Variants in STX6 observed in about 807,000 individuals in gnomAD.
STX6 encodes the protein syntaxin-6.
A neutral mutation model predicts 38.0 loss-of-function variants in STX6; 23 were observed. That is an observed-to-expected ratio of 0.60 (90% confidence interval 0.43 to 0.86). The LOEUF is 0.86. Ranked by LOEUF, STX6 falls within the 40% of genes least tolerant of loss-of-function variation. STX6 has a pLI of 0.00. For synonymous variants in STX6, 123 were observed against 107.5 expected (o/e 1.14, Z -0.89); for missense variants, 274 against 312.9 (o/e 0.88, Z 0.94).
chr1:181,008,227 G>C (rs1391382679), intron 1 of STX6, among the ~76,000 whole-genome samples: 1 of 152,128 alleles, frequency 6.6e-6, no homozygotes, highest in Non-Finnish European at 1.5e-5. Context: ...AAGTAAAATG[G>C]GAAGGAGTAT....
Position 180,976,441 on chromosome 1 carries a change from GA to G in STX6, c.*128del, listed in dbSNP as rs879230513. The G allele has an allele frequency of 3.9e-5, 32 of 823,724 alleles. No homozygotes were observed. In the South Asian group the frequency reaches 4.1e-4, roughly 10 times the overall value. 51.0% of individuals were successfully genotyped at this position (823,724 alleles called of 1,614,324 possible). On this transcript the variant is annotated 3_prime_UTR_variant, in exon 8 of 8. Transcript: ENST00000258301. Reference sequence around the variant, plus strand: ...GCCATGTCAATTGTGGGGTCACACGGAGAAAAGTCAGTGCAGCAGTATGTTT... The same window carrying G: ...GCCATGTCAATTGTGGGGTCACACGGGAAAAGTCAGTGCAGCAGTATGTTT...
intron 1 of STX6, among the ~76,000 whole-genome samples, chr1:181,013,442 C>A (rs891026593): frequency 6.6e-6 from 1 of 152,122 alleles, no homozygotes; most frequent in Non-Finnish European, 1.5e-5. Flanking sequence ...TCTCAGCCTC[C>A]CAAGTTGCTA....
intron 6 of STX6, among the ~76,000 whole-genome samples, chr1:180,985,218 A>G (rs1279141369): frequency 2.0e-5 from 3 of 152,226 alleles, no homozygotes; most frequent in South Asian, 2.1e-4. Flanking sequence ...TGTCTATACA[A>G]TAACACAAAC....
chr1:181,020,495 G>A (rs1656695369), intron 1 of STX6, among the ~76,000 whole-genome samples: 1 of 152,082 alleles, frequency 6.6e-6, no homozygotes, highest in Non-Finnish European at 1.5e-5. Flanking sequence ...TACTTCTATT[G>A]GACAGCAATG....
At chr1:181,008,990 T>C (rs1656318410) in intron 1 of STX6, among the ~76,000 whole-genome samples, 1 of 152,098 alleles carries the variant, frequency 6.6e-6, no homozygotes, top group Non-Finnish European at 1.5e-5. Flanking sequence ...CATAAGTGCT[T>C]TTCCTAGAGA....
intron 1 of STX6, among the ~76,000 whole-genome samples, chr1:181,014,434 G>A (rs1235168769): frequency 6.6e-6 from 1 of 151,666 alleles, no homozygotes; most frequent in East Asian, 1.9e-4. Context: ...AGCAACACAG[G>A]ACAGAACATT....
chr1:180,980,062 C>A, intron 7 of STX6, among the ~76,000 whole-genome samples: 1 of 152,222 alleles, frequency 6.6e-6, no homozygotes, highest in South Asian at 2.1e-4. Context: ...CAAAAATTAG[C>A]TGGGCGTGGT....
intron 1 of STX6, among the ~76,000 whole-genome samples, chr1:181,013,267 T>TG (rs1384375172): frequency 6.6e-6 from 1 of 152,174 alleles, no homozygotes; most frequent in Admixed American, 6.5e-5. Context: ...CCCCAGTATT[T>TG]GTCATTCAGT....
intron 2 of STX6, among the ~76,000 whole-genome samples, chr1:181,004,240 C>T (rs1656163681): frequency 6.6e-6 from 1 of 152,220 alleles, no homozygotes; most frequent in Admixed American, 6.5e-5. Flanking sequence ...CAAATTCGGT[C>T]TCTGCCCCCT....
chr1:181,004,340 T>C (rs1656166165), intron 2 of STX6, among the ~76,000 whole-genome samples: 1 of 152,252 alleles, frequency 6.6e-6, no homozygotes, highest in South Asian at 2.1e-4. Context: ...TGGGGGTTTC[T>C]AGATAGCCTC....
At chr1:181,000,986 C>A (rs1191794457) in intron 3 of STX6, among the ~76,000 whole-genome samples, 1 of 151,876 alleles carries the variant, frequency 6.6e-6, no homozygotes, top group Non-Finnish European at 1.5e-5. Context: ...TTTGAACTGG[C>A]TAGAAATTAA....
At chr1:181,018,388 CAAAAAAAAAAAAAA>C (rs34962747) in intron 1 of STX6, among the ~76,000 whole-genome samples, 5 of 43,040 alleles carry the variant, frequency 1.2e-4, no homozygotes, top group Admixed American at 7.2e-4. Flanking sequence ...GACTCTGTCC[CAAAAAAAAAAAAAA>C]AAAAAAAAAA....
intron 6 of STX6, among the ~76,000 whole-genome samples, chr1:180,986,430 C>T (rs1655585742): frequency 6.6e-6 from 1 of 152,208 alleles, no homozygotes; most frequent in Admixed American, 6.5e-5. Context: ...CTCTGGAGCA[C>T]ATCTCAATTC....
intron 6 of STX6, among the ~76,000 whole-genome samples, chr1:180,985,663 G>T (rs1482528440): frequency 6.6e-6 from 1 of 152,190 alleles, no homozygotes; most frequent in African/African-American, 2.4e-5. Flanking sequence ...ATGTGCAGCT[G>T]GGAAAGAAAA....
In STX6 at chr1:181,005,396, G is replaced by C; in HGVS notation, c.103C>G (p.Pro35Ala). The change falls in exon 2 of 8, where the codon CCC becomes GCC. Residue 35 changes from proline to alanine, a missense_variant. By Grantham distance (27) the Pro-to-Ala change is conservative (BLOSUM62 -1). Transcript: ENST00000258301. ...FQRWTELLQDPSTATREEIDW... is the reference protein window; with the variant it reads ...FQRWTELLQDASTATREEIDW... Reference sequence around the variant, plus strand: ...ATTTCTTCCCTTGTTGCTGTGGAGGGGTCCTGGAGGAGCTCTGTCCATCTC... The same window carrying C: ...ATTTCTTCCCTTGTTGCTGTGGAGGCGTCCTGGAGGAGCTCTGTCCATCTC... 6.2e-7 allele frequency: 1 copy of C among 1,614,060 alleles called. No individual in the cohort carries two copies. The highest frequency in any genetic ancestry group is 1.3e-5 in the African/African-American group (1 of 75,010).
At chr1:180,979,723 C>T (rs1387470653) in intron 7 of STX6, among the ~76,000 whole-genome samples, 1 of 152,162 alleles carries the variant, frequency 6.6e-6, no homozygotes, top group Admixed American at 6.5e-5. Context: ...AAAACTTATG[C>T]TCTGTGAAGT....
rs558862717 is a variant in STX6, at chr1:181,021,263, C to T, written c.35+1376G>A. ...TAAGAACTTTCAATCAAGGAAAAAACATCTATTTTAAAAATTAACCCCTAA... is the reference window on the plus strand; with the variant it reads ...TAAGAACTTTCAATCAAGGAAAAAATATCTATTTTAAAAATTAACCCCTAA... On this transcript the variant is annotated intron_variant, in intron 1 of 7. Coordinates refer to ENST00000258301, the MANE Select transcript of STX6 (RefSeq NM_005819.6). Among the ~76,000 whole-genome samples, 9 of 152,202 alleles carry T rather than the reference C, an allele frequency of 5.9e-5. No individual in the cohort carries two copies. The South Asian group carries it at 1.5e-3, about 25-fold the overall frequency.
intron 3 of STX6, among the ~76,000 whole-genome samples, chr1:180,994,222 A>G (rs1655835790): frequency 6.6e-6 from 1 of 152,262 alleles, no homozygotes; most frequent in Non-Finnish European, 1.5e-5. Flanking sequence ...AAAGGTCGTC[A>G]AAATATAATT....
chr1:180,988,266 A>G lies in STX6; in HGVS notation c.569T>C (p.Ile190Thr). Residue 190 changes from isoleucine (I) to threonine (T), a missense_variant, in exon 6 of 8, where the codon ATC (isoleucine) becomes ACC (threonine). Physicochemically the swap from Ile to Thr is moderately conservative, Grantham distance 89. Transcript: ENST00000258301. Reference sequence around the variant, plus strand: ...TGCCTGTTCCTCCAGCTCCCCTCCGATGCGCTGGGACATGTTCTTCAGCAC... The same window carrying G: ...TGCCTGTTCCTCCAGCTCCCCTCCGGTGCGCTGGGACATGTTCTTCAGCAC... The part of the protein sequence containing the change: ...IGVLKNMSQR[I>T]GGELEEQAVM... The G allele has an allele frequency of 1.2e-6, 2 of 1,613,870 alleles. No homozygotes were observed. Among genetic ancestry groups the G allele is most frequent in the Non-Finnish European group, 1.7e-6 (2 of 1,179,804 alleles).
Sources: gnomAD v4.1 joint callset for allele counts (sites outside exome capture counted in the v4.1 genomes callset) on GRCh38, gnomAD v4.1.1 for gene constraint, MANE v1.5 for transcripts, NCBI Gene and HGNC (gene_info 2026-07-23, HGNC 2026-07-21) for gene names.